Variants in ADGRG6 observed in about 807,000 individuals in gnomAD.
The protein encoded by ADGRG6 is adhesion G protein-coupled receptor G6.
ADGRG6 carries 84 observed loss-of-function variants against 142.4 expected under a neutral mutation model. The ratio of observed to expected loss-of-function variants is 0.59; its 90% CI spans 0.49 to 0.71. ADGRG6 has a LOEUF of 0.71. Ranked by LOEUF, ADGRG6 falls within the 30% of genes least tolerant of loss-of-function variation. The probability of loss-of-function intolerance (pLI) is 0.00; values close to 1 mark genes in which losing one functional copy is unlikely to be tolerated. For missense variants in ADGRG6, 1,367 were observed against 1,466.6 expected, an observed-to-expected ratio of 0.93 and a Z score of 1.11; for synonymous variants, 521 against 520.5, an observed-to-expected ratio of 1.00 and a Z score of -0.01.
chr6:142,347,674 G>A (rs1779973201), intron 2 of ADGRG6, among the ~76,000 whole-genome samples: 1 of 151,964 alleles, frequency 6.6e-6, no homozygotes, highest in Non-Finnish European at 1.5e-5. Context: ...ACTATACTTG[G>A]TGTATGTCTC....
At chr6:142,408,072 G>C in intron 15 of ADGRG6, 78 bp from the exon 16 acceptor site, 1 of 1,062,352 alleles carries the variant, frequency 9.4e-7, no homozygotes. Flanking sequence ...ATTGCTGACA[G>C]TTTGCTTATT....
At chr6:142,321,605 T>C (rs1472880621) in intron 2 of ADGRG6, among the ~76,000 whole-genome samples, 1 of 152,044 alleles carries the variant, frequency 6.6e-6, no homozygotes, top group Non-Finnish European at 1.5e-5. Flanking sequence ...GAGTACGTAC[T>C]CTATGATTTT....
chr6:142,331,932 T>G (rs1423187772), intron 2 of ADGRG6, among the ~76,000 whole-genome samples: 2 of 152,198 alleles, frequency 1.3e-5, no homozygotes, highest in Non-Finnish European at 2.9e-5. Flanking sequence ...AAAAGTTAAC[T>G]GTATTTTTAT....
intron 6 of ADGRG6, among the ~76,000 whole-genome samples, chr6:142,385,186 C>T (rs909269866): frequency 6.6e-5 from 10 of 152,192 alleles, no homozygotes; most frequent in African/African-American, 2.4e-4. Context: ...GCTGTATTCA[C>T]TCAATCATGT....
intron 3 of ADGRG6, among the ~76,000 whole-genome samples, chr6:142,368,283 T>C (rs1781050832): frequency 6.6e-6 from 1 of 152,346 alleles, no homozygotes; most frequent in South Asian, 2.1e-4. Flanking sequence ...TATGATGTTG[T>C]CCTTTTAAGG....
At chr6:142,321,538 G>A (rs967116349) in intron 2 of ADGRG6, among the ~76,000 whole-genome samples, 6 of 151,920 alleles carry the variant, frequency 3.9e-5, no homozygotes, top group Admixed American at 3.9e-4. Flanking sequence ...AACTACCTAT[G>A]TATGCAAAAA....
chr6:142,415,739 T>C, intron 19 of ADGRG6, 57 bp from the exon 20 acceptor site: 3 of 1,257,824 alleles, frequency 2.4e-6, no homozygotes, highest in Non-Finnish European at 3.4e-6. Flanking sequence ...AGGCCTGTGC[T>C]TAAAAGATTG....
chr6:142,371,484 G>GTT (rs1273994234), intron 4 of ADGRG6, among the ~76,000 whole-genome samples: 83 of 93,186 alleles, frequency 8.9e-4, no homozygotes, highest in Non-Finnish European at 1.2e-3. Context: ...GTTTTTTTTT[G>GTT]TTTTTTTTTT....
At chr6:142,375,769 T>C (rs547238473) in intron 4 of ADGRG6, among the ~76,000 whole-genome samples, 1 of 152,294 alleles carries the variant, frequency 6.6e-6, no homozygotes, top group Admixed American at 6.5e-5. Flanking sequence ...TAAATAGATT[T>C]TGCAAAGGTA....
chr6:142,367,498 T>C (rs1780997944), intron 2 of ADGRG6, 71 bp from the exon 3 acceptor site: 1 of 985,412 alleles, frequency 1.0e-6, no homozygotes, highest in Non-Finnish European at 1.5e-6. Context: ...CGCCAGTGTG[T>C]GGTATTCTCG....
intron 1 of ADGRG6, 39 bp downstream of exon 1, chr6:142,302,370 T>C: frequency 6.2e-7 from 1 of 1,608,856 alleles, no homozygotes; most frequent in Non-Finnish European, 8.5e-7. Flanking sequence ...CTTCACTCTT[T>C]TATCTGTGTC....
At chr6:142,384,977 C>G (rs1341031863) in intron 6 of ADGRG6, among the ~76,000 whole-genome samples, 1 of 151,992 alleles carries the variant, frequency 6.6e-6, no homozygotes, top group Non-Finnish European at 1.5e-5. Flanking sequence ...AAGAAAGCAA[C>G]AGCAGCTGAA....
At chr6:142,432,484 T>C (rs567490628) in intron 22 of ADGRG6, among the ~76,000 whole-genome samples, 2 of 152,302 alleles carry the variant, frequency 1.3e-5, no homozygotes, top group East Asian at 3.9e-4. Flanking sequence ...AGAATTCTAA[T>C]TTGTTACGCT....
At chr6:142,347,279 A>C (rs1389100169) in intron 2 of ADGRG6, among the ~76,000 whole-genome samples, 1 of 152,160 alleles carries the variant, frequency 6.6e-6, no homozygotes, top group Admixed American at 6.5e-5. Context: ...TCTGCCATCC[A>C]CGTCAGTATC....
intron 22 of ADGRG6, among the ~76,000 whole-genome samples, chr6:142,430,957 AC>A (rs1777179165): frequency 6.6e-6 from 1 of 151,968 alleles, no homozygotes. Flanking sequence ...TGTCCTAACA[AC>A]CCCCGTAGGC....
intron 2 of ADGRG6, among the ~76,000 whole-genome samples, chr6:142,350,799 A>T (rs905843133): frequency 6.6e-6 from 1 of 152,244 alleles, no homozygotes; most frequent in Non-Finnish European, 1.5e-5. Flanking sequence ...TCTTATGGTC[A>T]TACTGACCAA....
At chr6:142,395,893 A>T (rs569626666) in intron 9 of ADGRG6, among the ~76,000 whole-genome samples, 1 of 152,328 alleles carries the variant, frequency 6.6e-6, no homozygotes, top group South Asian at 2.1e-4. Flanking sequence ...GCTTCAGATA[A>T]TGCTGTCATA....
chr6:142,412,678 T>G (rs1204060889), intron 18 of ADGRG6, among the ~76,000 whole-genome samples: 1 of 152,206 alleles, frequency 6.6e-6, no homozygotes, highest in East Asian at 1.9e-4. Flanking sequence ...CTATTGCATG[T>G]TTTCCTTAAG....
At chr6:142,425,975 A>G (rs914321582) in intron 22 of ADGRG6, among the ~76,000 whole-genome samples, 1 of 152,144 alleles carries the variant, frequency 6.6e-6, no homozygotes, top group Non-Finnish European at 1.5e-5. Context: ...CCATAATTCA[A>G]TCACCTTCCA....
Sources: gnomAD v4.1 joint callset for allele counts (sites outside exome capture counted in the v4.1 genomes callset) on GRCh38, gnomAD v4.1.1 for gene constraint, MANE v1.5 for transcripts, NCBI Gene and HGNC (gene_info 2026-07-23, HGNC 2026-07-21) for gene names.